Variants in CLOCK observed in about 807,000 individuals in gnomAD.
The protein encoded by CLOCK is circadian locomoter output cycles protein kaput.
In CLOCK, 43 loss-of-function variants were observed where a neutral mutation model predicts 118.4. That is an observed-to-expected ratio of 0.36 (90% CI 0.28 to 0.47). The LOEUF (loss-of-function observed/expected upper bound fraction) is 0.47, where lower values mean the gene tolerates loss of function less well. Among genes scored for constraint, CLOCK ranks in the 20% least tolerant of loss-of-function variants. CLOCK has a pLI of 1.00. For missense variants in CLOCK, 846 were observed against 999.9 expected, an observed-to-expected ratio of 0.85 and a Z score of 2.08; for synonymous variants, 326 against 339.2, an observed-to-expected ratio of 0.96 and a Z score of 0.43.
At chr4:55,517,915 T>C (rs1729616535) in intron 1 of CLOCK, among the ~76,000 whole-genome samples, 1 of 152,104 alleles carries the variant, frequency 6.6e-6, no homozygotes, top group Non-Finnish European at 1.5e-5. Flanking sequence ...GTTTTTACCC[T>C]TTGGTACAGA....
chr4:55,435,956 G>A (rs1722846800), intron 22 of CLOCK, among the ~76,000 whole-genome samples: 1 of 152,142 alleles, frequency 6.6e-6, no homozygotes, highest in African/African-American at 2.4e-5. Context: ...CAAATACTCT[G>A]AGGCCAGACA....
At chr4:55,456,360 C>T (rs1406150906) in intron 11 of CLOCK, 60 bp from the exon 12 acceptor site, 2 of 1,167,830 alleles carry the variant, frequency 1.7e-6, no homozygotes, top group Non-Finnish European at 2.5e-6. Context: ...TTAAATATTG[C>T]TACATATAAA....
At chr4:55,533,690 G>GT (rs1282103981) in intron 1 of CLOCK, among the ~76,000 whole-genome samples, 1 of 151,814 alleles carries the variant, frequency 6.6e-6, no homozygotes, top group Non-Finnish European at 1.5e-5. Context: ...ATCACCTGAG[G>GT]TCAAGAGTTT....
Position 55,432,726 on chromosome 4 carries a change from C to G in CLOCK, c.*2689G>C, listed in dbSNP as rs1006382397. On this transcript the variant is annotated 3_prime_UTR_variant, in exon 23 of 23. Coordinates refer to ENST00000513440, the MANE Select transcript of CLOCK (RefSeq NM_004898.4). Reference sequence around the variant, plus strand: ...GTGCTTACTACCTCTTCCACTACTACGCTTCAGACTGACAGAAAAGCAGCT... The same window carrying G: ...GTGCTTACTACCTCTTCCACTACTAGGCTTCAGACTGACAGAAAAGCAGCT... The G allele has an allele frequency of 6.6e-6, 1 of 152,092 alleles. No homozygotes were observed. Among genetic ancestry groups the G allele is most frequent in the Non-Finnish European group, 1.5e-5 (1 of 68,006 alleles). 9.4% of individuals were successfully genotyped at this position (152,092 alleles called of 1,614,324 possible).
At chr4:55,479,778 A>C in intron 4 of CLOCK, 79 bp from the exon 5 acceptor site, 2 of 1,079,006 alleles carry the variant, frequency 1.9e-6, no homozygotes, top group Non-Finnish European at 2.9e-6. Flanking sequence ...AAATCAACTC[A>C]GTTATGCCCT....
chr4:55,511,881 G>C (rs1729171337), intron 1 of CLOCK, among the ~76,000 whole-genome samples: 1 of 151,936 alleles, frequency 6.6e-6, no homozygotes, highest in South Asian at 2.1e-4. Context: ...TTTCAGACTG[G>C]CTCCTTTCAC....
intron 1 of CLOCK, chr4:55,545,775 C>G (rs1215050927): frequency 6.6e-6 from 1 of 152,252 alleles, no homozygotes; most frequent in African/African-American, 2.4e-5. Context: ...GGCCAGAGCG[C>G]CAGAGCCAAC....
rs1469367881 is a variant in CLOCK at position 55,430,789 on chromosome 4, C to G, written c.*4626G>C. On this transcript the variant is annotated 3_prime_UTR_variant, in exon 23 of 23. Transcript: ENST00000513440. The stretch of plus-strand genomic sequence containing the variant: ...ATCTACTCACACGGATGCAATTTTC[C>G]TAGACCTCTGAAAAATAAACAGGCT... 1 of 152,150 alleles carries G rather than the reference C, an allele frequency of 6.6e-6. No individual in the cohort carries two copies. The highest frequency in any genetic ancestry group is 2.4e-5 in the African/African-American group (1 of 41,432). 9.4% of individuals were successfully genotyped at this position (152,150 alleles called of 1,614,324 possible). A position where few individuals can be genotyped will look rare whatever the true frequency, so the allele number is the denominator to read the frequency against.
intron 1 of CLOCK, among the ~76,000 whole-genome samples, chr4:55,536,021 C>T (rs1172963665): frequency 6.6e-6 from 1 of 152,082 alleles, no homozygotes; most frequent in Admixed American, 6.6e-5. Flanking sequence ...AATAACAACA[C>T]TAGGAGACTA....
intron 2 of CLOCK, among the ~76,000 whole-genome samples, chr4:55,490,560 T>G (rs1048810325): frequency 1.3e-5 from 2 of 152,114 alleles, no homozygotes; most frequent in African/African-American, 4.8e-5. Flanking sequence ...CCACCAAATA[T>G]TAATACCAAA....
At chr4:55,514,319 T>C (rs1223112643) in intron 1 of CLOCK, among the ~76,000 whole-genome samples, 1 of 152,146 alleles carries the variant, frequency 6.6e-6, no homozygotes, top group African/African-American at 2.4e-5. Flanking sequence ...TCAGTGACGC[T>C]CTTTACTGCA....
intron 5 of CLOCK, 190 bp from the exon 6 acceptor site, chr4:55,479,153 A>C: frequency 2.1e-6 from 1 of 477,550 alleles, no homozygotes. Context: ...ACTAAAGAAA[A>C]TTTTACAAAT....
intron 6 of CLOCK, among the ~76,000 whole-genome samples, chr4:55,478,235 TAACA>T (rs1726661411): frequency 6.6e-6 from 1 of 152,152 alleles, no homozygotes; most frequent in African/African-American, 2.4e-5. Context: ...TTTCTTCTAT[TAACA>T]AATACTTTAT....
intron 1 of CLOCK, among the ~76,000 whole-genome samples, chr4:55,541,726 T>A (rs1314375095): frequency 6.6e-6 from 1 of 152,130 alleles, no homozygotes; most frequent in African/African-American, 2.4e-5. Flanking sequence ...CCTGAAATGA[T>A]TAAAGAGGCT....
chr4:55,441,154 G>T (rs1403144715), intron 21 of CLOCK, among the ~76,000 whole-genome samples: 1 of 152,180 alleles, frequency 6.6e-6, no homozygotes, highest in African/African-American at 2.4e-5. Context: ...TGTTTGCTAA[G>T]ATGTGGTTTC....
At chr4:55,447,262 G>C (rs1577690842) in intron 18 of CLOCK, among the ~76,000 whole-genome samples, 2 of 152,112 alleles carry the variant, frequency 1.3e-5, no homozygotes, top group African/African-American at 4.8e-5. Flanking sequence ...AGCTACTCGG[G>C]AGACTGAGGC....
chr4:55,433,504 CTT>C lies in CLOCK; in HGVS notation c.*1909_*1910del, dbSNP rs1163783624. 6.6e-6 allele frequency: 1 copy of C among 152,232 alleles called. No homozygotes were observed. The highest frequency in any genetic ancestry group is 1.5e-5 in the Non-Finnish European group (1 of 68,024). The allele number at this position is 152,232 out of a possible 1,614,324, so 9.4% of individuals were successfully genotyped here. On this transcript the variant is annotated 3_prime_UTR_variant, in exon 23 of 23. Coordinates refer to ENST00000513440, the MANE Select transcript of CLOCK (RefSeq NM_004898.4). Reference sequence around the variant, plus strand: ...AACTGGCTTAGCATTCCCCTGACCTCTTTACCTAGCAATTCTGCATTAGGTTA... The same window carrying C: ...AACTGGCTTAGCATTCCCCTGACCTCTACCTAGCAATTCTGCATTAGGTTA...
At chr4:55,452,921 A>C (rs4864996) in intron 15 of CLOCK, 133 bp downstream of exon 15, 224,822 of 657,306 alleles carry the variant, frequency 0.34, 41,606 homozygotes, top group East Asian at 0.61. Context: ...ATAAGTAGTA[A>C]AGTATAATCA....
rs1187118827 is a variant in CLOCK at position 55,431,756 on chromosome 4, C to T, written c.*3659G>A. On this transcript the variant is annotated 3_prime_UTR_variant, in exon 23 of 23. Coordinates refer to ENST00000513440, the MANE Select transcript of CLOCK (RefSeq NM_004898.4). ...AAAGTAAAATGCTATTTGCATTCCA[C>T]TTTTAAAAAGTTTGCCTCAATGTAG... The T allele has an allele frequency of 1.3e-5, 2 of 152,230 alleles. No individual in the cohort carries two copies. Among genetic ancestry groups the T allele is most frequent in the Non-Finnish European group, 2.9e-5 (2 of 68,022 alleles). The allele number at this position is 152,230 out of a possible 1,614,324, so 9.4% of individuals were successfully genotyped here.
Sources: gnomAD v4.1 joint callset for allele counts (sites outside exome capture counted in the v4.1 genomes callset) on GRCh38, gnomAD v4.1.1 for gene constraint, MANE v1.5 for transcripts, NCBI Gene and HGNC (gene_info 2026-07-23, HGNC 2026-07-21) for gene names.